Variants in MDN1 observed in about 807,000 individuals in gnomAD.
The protein encoded by MDN1 is midasin AAA ATPase 1.
A neutral mutation model predicts 669.2 loss-of-function variants in MDN1; 266 were observed. That is an observed-to-expected ratio of 0.40 (90% confidence interval 0.36 to 0.44). The LOEUF is 0.44. Ranked by LOEUF, MDN1 falls within the 20% of genes least tolerant of loss-of-function variation. The probability of loss-of-function intolerance (pLI) is 1.00; values close to 1 mark genes in which losing one functional copy is unlikely to be tolerated. For synonymous variants in MDN1, 2,385 were observed against 2,457.1 expected (o/e 0.97, Z 0.87); for missense variants, 5,940 against 6,754.0 (o/e 0.88, Z 4.22).
chr6:89,712,591 T>C lies in MDN1; in HGVS notation c.7414A>G (p.Thr2472Ala). ...VYCLNRMSMK[T>A]SSWTRSQPFT... The stretch of plus-strand genomic sequence containing the variant: ...TCCACTGACCTTGTCCAGCTGCTGG[T>C]TTTCATGCTCATCCTGTTGAGACAA... The change falls in exon 48 of 102, where the codon ACC becomes GCC. Residue 2472 changes from threonine to alanine, a missense_variant. Coordinates refer to ENST00000369393, the MANE Select transcript of MDN1 (RefSeq NM_014611.3). 1 of 1,613,974 alleles carries C rather than the reference T, an allele frequency of 6.2e-7. No homozygotes were observed. Among genetic ancestry groups the C allele is most frequent in the Non-Finnish European group, 8.5e-7 (1 of 1,179,974 alleles).
rs533301485 is a variant in MDN1, at chr6:89,792,115, G to A, written c.855+1647C>T. On this transcript the variant is annotated intron_variant, in intron 5 of 101. Transcript: ENST00000369393. ...GATCTCCTGACCTCGTGATCTGCCC[G>A]CCTCGGCCTCCCAAAGTGCTGGGAT... Among the ~76,000 whole-genome samples the A allele has an allele frequency of 7.9e-5, 12 of 151,956 alleles. No individual in the cohort carries two copies. The East Asian group carries it at 1.4e-3, about 17-fold the overall frequency.
chr6:89,818,355 C>T (rs1768986194), intron 1 of MDN1, among the ~76,000 whole-genome samples: 2 of 143,538 alleles, frequency 1.4e-5, no homozygotes, highest in African/African-American at 5.2e-5. Context: ...AAATTTAGGC[C>T]GGACACGGTG....
At position 89,745,332 on chromosome 6, in the gene MDN1, C is replaced by T. The variant is rs745970970; in HGVS notation, c.4119G>A (p.Ala1373=). The T allele has an allele frequency of 6.2e-6, 10 of 1,613,838 alleles. No homozygotes were observed. Among genetic ancestry groups the T allele is most frequent in the South Asian group, 5.5e-5 (5 of 91,076 alleles). ...IVWTEGMRRL[A]MLVGRALEFG... Reference sequence around the variant, plus strand: ...ATTCCAATGCCCTTCCCACTAGCATCGCGAGTCTCCGCATGCCCTCAGTCC... The same window carrying T: ...ATTCCAATGCCCTTCCCACTAGCATTGCGAGTCTCCGCATGCCCTCAGTCC... The change falls in exon 29 of 102, where the codon GCG becomes GCA. Residue 1373 remains alanine, a synonymous_variant. Coordinates refer to ENST00000369393, the MANE Select transcript of MDN1 (RefSeq NM_014611.3).
chr6:89,710,856 G>T (rs1813857886), intron 49 of MDN1, 62 bp from the exon 50 acceptor site: 1 of 962,278 alleles, frequency 1.0e-6, no homozygotes. Context: ...TGAACGTTCT[G>T]CAGTGATGAA....
intron 1 of MDN1, among the ~76,000 whole-genome samples, chr6:89,810,979 A>G (rs1562243819): frequency 6.6e-6 from 1 of 152,196 alleles, no homozygotes; most frequent in Non-Finnish European, 1.5e-5. Flanking sequence ...AAAGAGAAAC[A>G]GTCATATTGA....
In MDN1 at chr6:89,671,744, A is replaced by C. The variant is rs981897970; in HGVS notation, c.13794+456T>G. Among the ~76,000 whole-genome samples the C allele has an allele frequency of 3.3e-5, 5 of 152,230 alleles. No individual in the cohort carries two copies. In the South Asian group the frequency reaches 1.0e-3, roughly 32 times the overall value. On this transcript the variant is annotated intron_variant, in intron 82 of 101. Coordinates refer to ENST00000369393, the MANE Select transcript of MDN1 (RefSeq NM_014611.3). ...TAAATTCTGCTGATTCAAAGTTAGC[A>C]CCGGAGGCAATGCTACAGAATAACA...
chr6:89,819,408 C>A, intron 1 of MDN1, 98 bp downstream of exon 1: 2 of 1,152,046 alleles, frequency 1.7e-6, no homozygotes, highest in Non-Finnish European at 2.6e-6. Flanking sequence ...TGCACCACTC[C>A]CCACTTAAAG....
At position 89,774,624 on chromosome 6, in the gene MDN1, T is replaced by C. The variant is rs1324038301; in HGVS notation, c.1931A>G (p.Gln644Arg). 1 of 1,611,032 alleles carries C rather than the reference T, an allele frequency of 6.2e-7. No homozygotes were observed. ...CTTAGTTTAGAGCCCTACTTACCTC[T>C]GTAGGTGAACAGCCTCACTTTGTTT... ...LRKQSEAVHLQREKFTFAATR... is the reference protein window; with the variant it reads ...LRKQSEAVHLRREKFTFAATR... The change falls in exon 13 of 102, where the codon CAG (glutamine) becomes CGG (arginine). Residue 644 changes from glutamine to arginine, a missense_variant. By Grantham distance (43) the Gln-to-Arg change is conservative. This residue lies in a region of MDN1 where 1,203 missense variants were observed against 1,268.9 expected (regional missense o/e 0.95). Coordinates refer to ENST00000369393, the MANE Select transcript of MDN1 (RefSeq NM_014611.3).
At chr6:89,801,520 ACG>A (rs1767658025) in intron 2 of MDN1, among the ~76,000 whole-genome samples, 1 of 152,090 alleles carries the variant, frequency 6.6e-6, no homozygotes, top group Non-Finnish European at 1.5e-5. Flanking sequence ...GTGTGGTGGC[ACG>A]CACCTGTAGT....
chr6:89,653,710 T>C (rs1246064439), intron 93 of MDN1, among the ~76,000 whole-genome samples: 1 of 151,978 alleles, frequency 6.6e-6, no homozygotes. Flanking sequence ...GATGAAGCTA[T>C]TTTTTTTGCC....
rs763950605 is a variant in MDN1 at position 89,715,662 on chromosome 6, G to C, written c.6851C>G (p.Pro2284Arg). The change falls in exon 45 of 102, where the codon CCC (proline) becomes CGC (arginine). Residue 2284 changes from proline to arginine, a missense_variant. Pro to Arg is a moderately radical substitution (Grantham distance 103, BLOSUM62 -2). Transcript: ENST00000369393. ...TAAGAGATACAAATACCTGAAATTG[G>C]GATTTGGTGTTATCGTGGGAGTGGA... is the stretch of plus-strand genomic sequence containing the variant. ...DGSTPTITPNPNFRLFLSMDP... is the reference protein window; with the variant it reads ...DGSTPTITPNRNFRLFLSMDP... 6.3e-7 allele frequency: 1 copy of C among 1,596,414 alleles called. No individual in the cohort carries two copies. The highest frequency in any genetic ancestry group is 1.1e-5 in the South Asian group (1 of 90,682).
chr6:89,707,538 C>A, intron 51 of MDN1, 62 bp from the exon 52 acceptor site: 2 of 1,051,614 alleles, frequency 1.9e-6, no homozygotes, highest in Admixed American at 1.7e-5. Flanking sequence ...TCAATCATAT[C>A]CTCTATTTGC....
intron 23 of MDN1, among the ~76,000 whole-genome samples, chr6:89,751,163 A>C (rs1816922759): frequency 6.6e-6 from 1 of 152,204 alleles, no homozygotes; most frequent in Non-Finnish European, 1.5e-5. Flanking sequence ...TTTACTGAAT[A>C]ATCTGTGGTA....
rs1278724350 is a variant in MDN1, at chr6:89,754,698, C to G, written c.2817-468G>C. On this transcript the variant is annotated intron_variant, in intron 20 of 101. Coordinates refer to ENST00000369393, the MANE Select transcript of MDN1 (RefSeq NM_014611.3). ...AGGATACGATGGCCATTACTATTGT[C>G]ACTACCACACTTTAGAAGTCCAGAT... 2.0e-5 allele frequency among the ~76,000 whole-genome samples: 3 copies of G among 149,794 alleles called. No homozygotes were observed. In the East Asian group the frequency reaches 5.8e-4, roughly 29 times the overall value.
chr6:89,719,769 A>T (rs1298500792), intron 40 of MDN1, among the ~76,000 whole-genome samples: 1 of 152,236 alleles, frequency 6.6e-6, no homozygotes, highest in Non-Finnish European at 1.5e-5. Context: ...TTGGTGACCG[A>T]TTTTAAATCT....
chr6:89,656,673 T>C, intron 91 of MDN1, 27 bp downstream of exon 91: 1 of 1,497,426 alleles, frequency 6.7e-7, no homozygotes, highest in Non-Finnish European at 9.2e-7. Context: ...TGCCTTCACC[T>C]AAGTTTAGCT....
At chr6:89,648,387 C>T in intron 97 of MDN1, 58 bp from the exon 98 acceptor site, 2 of 1,516,852 alleles carry the variant, frequency 1.3e-6, no homozygotes, top group South Asian at 1.1e-5. Flanking sequence ...ACCAGAGCCT[C>T]TCAACTATTT....
rs1562108507 is a variant in MDN1 at position 89,699,645 on chromosome 6, G to A, written c.8953C>T (p.Pro2985Ser). 8 of 1,613,852 alleles carry A rather than the reference G, an allele frequency of 5.0e-6. No homozygotes were observed. The highest frequency in any genetic ancestry group is 1.3e-5 in the African/African-American group (1 of 74,878). ...GACCACAGATCTCGAAGCTCTTGAG[G>A]TGTAACAGGTGTGTGATAAAGACAA... Reference protein sequence around the residue: ...SFCLYHTPVTPQELRDLWSLL... With the variant: ...SFCLYHTPVTSQELRDLWSLL... Residue 2985 changes from proline (P) to serine (S), a missense_variant, in exon 58 of 102, where the codon CCT (proline) becomes TCT (serine). Coordinates refer to ENST00000369393, the MANE Select transcript of MDN1 (RefSeq NM_014611.3).
intron 15 of MDN1, among the ~76,000 whole-genome samples, chr6:89,768,375 C>T (rs1027202832): frequency 1.3e-5 from 2 of 152,144 alleles, no homozygotes; most frequent in Non-Finnish European, 2.9e-5. Flanking sequence ...CACAAGCTCT[C>T]GACTGCCACC....
Sources: allele counts gnomAD v4.1 joint callset (sites outside exome capture counted in the v4.1 genomes callset), GRCh38; gene constraint gnomAD v4.1.1; regional missense constraint gnomAD v4.1.1; transcripts MANE v1.5; gene names NCBI Gene and HGNC (gene_info 2026-07-23, HGNC 2026-07-21).